The following PTPRD variants were observed in gnomAD, a reference collection of about 807,000 sequenced individuals.
PTPRD encodes the protein receptor-type tyrosine-protein phosphatase delta.
A neutral mutation model predicts 214.5 loss-of-function variants in PTPRD; 34 were observed. The observed-to-expected ratio is 0.16, with a 90% confidence interval of 0.12 to 0.21. PTPRD has a LOEUF of 0.21. Among genes scored for constraint, PTPRD ranks in the 10% least tolerant of loss-of-function variants. The probability of loss-of-function intolerance (pLI) is 1.00; values close to 1 mark genes in which losing one functional copy is unlikely to be tolerated. For missense variants in PTPRD, 2,545 were observed against 2,398.7 expected (o/e 1.06, Z -1.27); for synonymous variants, 1,128 against 845.7 (o/e 1.33, Z -5.79).
At chr9:10,551,958 T>C (rs1261495360) in intron 2 of PTPRD, among the ~76,000 whole-genome samples, 1 of 152,200 alleles carries the variant, frequency 6.6e-6, no homozygotes, top group Admixed American at 6.5e-5. Context: ...CTCAGTCGAA[T>C]TTTCTACTTT....
Position 9,911,825 on chromosome 9 carries a change from C to G in PTPRD, c.-368+26682G>C, listed in dbSNP as rs553184295. ...AAAATAATTCATTTTAAAAATTTTC[C>G]TGTGGTGATGTTGTTTAATAAAACC... is the stretch of plus-strand genomic sequence containing the variant. On this transcript the variant is annotated intron_variant, in intron 5 of 45. Coordinates refer to ENST00000381196, the MANE Select transcript of PTPRD (RefSeq NM_002839.4). Among the ~76,000 whole-genome samples the G allele has an allele frequency of 5.9e-5, 9 of 151,780 alleles. No individual in the cohort carries two copies. In the East Asian group the frequency reaches 1.7e-3, roughly 29 times the overall value.
intron 12 of PTPRD, among the ~76,000 whole-genome samples, chr9:8,638,058 C>A (rs941576379): frequency 6.7e-6 from 1 of 149,542 alleles, no homozygotes; most frequent in African/African-American, 2.5e-5. Flanking sequence ...CAATTATGTT[C>A]TGGCTGAAAA....
chr9:9,728,911 T>C (rs545858305), intron 7 of PTPRD, among the ~76,000 whole-genome samples: 127 of 152,248 alleles, frequency 8.3e-4, no homozygotes, highest in African/African-American at 2.6e-3. Context: ...TTATTAAAAT[T>C]TGTAGTACTA....
intron 5 of PTPRD, among the ~76,000 whole-genome samples, chr9:9,808,099 C>T (rs990622698): frequency 6.6e-6 from 1 of 152,092 alleles, no homozygotes; most frequent in African/African-American, 2.4e-5. Flanking sequence ...ATTATGAATC[C>T]TTGTTTAAGC....
intron 44 of PTPRD, among the ~76,000 whole-genome samples, chr9:8,323,072 G>C (rs944311708): frequency 1.3e-5 from 2 of 152,112 alleles, no homozygotes; most frequent in Non-Finnish European, 2.9e-5. Context: ...TCGACCTCTT[G>C]TACCAAATAG....
intron 7 of PTPRD, among the ~76,000 whole-genome samples, chr9:9,603,842 ATT>A (rs33988009): frequency 0.39 from 57,811 of 149,786 alleles, 11,507 homozygotes; most frequent in Middle Eastern, 0.47. Context: ...TGTGAAATAC[ATT>A]TTTTTTTTTA....
intron 8 of PTPRD, among the ~76,000 whole-genome samples, chr9:9,571,329 A>G (rs1452733104): frequency 1.3e-5 from 2 of 151,366 alleles, no homozygotes; most frequent in Non-Finnish European, 3.0e-5. Flanking sequence ...CTCTCTCTAT[A>G]TATATCTCAC....
At chr9:10,227,115 T>A (rs1275545929) in intron 3 of PTPRD, among the ~76,000 whole-genome samples, 1 of 151,942 alleles carries the variant, frequency 6.6e-6, no homozygotes, top group Non-Finnish European at 1.5e-5. Flanking sequence ...TAGAAAAAGT[T>A]ATAAAATGGA....
At chr9:9,397,902 C>A (rs1397348188) in intron 8 of PTPRD, among the ~76,000 whole-genome samples, 2 of 151,932 alleles carry the variant, frequency 1.3e-5, no homozygotes, top group Admixed American at 6.6e-5. Context: ...CTCAAAAATT[C>A]TCTTTGTTGC....
chr9:9,832,967 A>G (rs1486973830), intron 5 of PTPRD, among the ~76,000 whole-genome samples: 1 of 151,864 alleles, frequency 6.6e-6, no homozygotes, highest in Non-Finnish European at 1.5e-5. Context: ...ATTATTTTAT[A>G]CTTGTGGGAA....
chr9:8,645,988 T>C (rs2154339643), intron 12 of PTPRD, among the ~76,000 whole-genome samples: 1 of 152,118 alleles, frequency 6.6e-6, no homozygotes, highest in South Asian at 2.1e-4. Context: ...CTTATCCCTC[T>C]TTTTTGTACC....
chr9:9,023,617 G>C (rs1386334339), intron 10 of PTPRD, among the ~76,000 whole-genome samples: 1 of 151,916 alleles, frequency 6.6e-6, no homozygotes, highest in Non-Finnish European at 1.5e-5. Flanking sequence ...CAGCTAGTGA[G>C]TATAGTACCC....
rs567173484 is a variant in PTPRD, at chr9:9,131,055, T to A, written c.-143+52249A>T. ...AAACAAATCCGGTGCTTTTGTAGGA[T>A]GGAAAAGTCTGAAAAAATAGTTGGG... On this transcript the variant is annotated intron_variant, in intron 10 of 45. Coordinates refer to ENST00000381196, the MANE Select transcript of PTPRD (RefSeq NM_002839.4). 5.0e-4 allele frequency among the ~76,000 whole-genome samples: 76 copies of A among 152,178 alleles called. 1 individual carries two copies. In the South Asian group the frequency reaches 0.015, roughly 30 times the overall value.
intron 9 of PTPRD, among the ~76,000 whole-genome samples, chr9:9,203,791 T>G (rs185567346): frequency 6.6e-6 from 1 of 152,190 alleles, no homozygotes; most frequent in African/African-American, 2.4e-5. Flanking sequence ...ACATGCTTTA[T>G]AGCAAAGAAA....
chr9:9,075,072 T>C (rs1340753798), intron 10 of PTPRD, among the ~76,000 whole-genome samples: 1 of 152,088 alleles, frequency 6.6e-6, no homozygotes, highest in Non-Finnish European at 1.5e-5. Flanking sequence ...AAAAAGATAA[T>C]GGTCAAATGC....
At chr9:8,410,747 C>T (rs1424218766) in intron 35 of PTPRD, among the ~76,000 whole-genome samples, 2 of 152,108 alleles carry the variant, frequency 1.3e-5, no homozygotes, top group African/African-American at 4.8e-5. Context: ...AATGCATCAG[C>T]TTTACCTGTT....
chr9:10,012,175 T>C (rs1445180798), intron 4 of PTPRD, among the ~76,000 whole-genome samples: 2 of 151,948 alleles, frequency 1.3e-5, no homozygotes, highest in South Asian at 2.1e-4. Context: ...AATGGAACTT[T>C]GCAAGAATTT....
At chr9:9,888,791 A>C (rs1480268327) in intron 5 of PTPRD, among the ~76,000 whole-genome samples, 1 of 152,090 alleles carries the variant, frequency 6.6e-6, no homozygotes, top group African/African-American at 2.4e-5. Flanking sequence ...TAGCAACACA[A>C]ATGGACTAAG....
intron 6 of PTPRD, among the ~76,000 whole-genome samples, chr9:9,748,878 A>G (rs2098484897): frequency 6.6e-6 from 1 of 151,990 alleles, no homozygotes; most frequent in Admixed American, 6.6e-5. Context: ...ACATTATATT[A>G]TTGTCTGCAT....
Sources: allele counts gnomAD v4.1 joint callset (sites outside exome capture counted in the v4.1 genomes callset), GRCh38; gene constraint gnomAD v4.1.1; transcripts MANE v1.5; gene names NCBI Gene and HGNC (gene_info 2026-07-23, HGNC 2026-07-21).